CDYL: variants seen among roughly 807,000 people sequenced by gnomAD.
CDYL encodes the protein chromodomain Y-like protein.
In CDYL, 8 loss-of-function variants were observed where a neutral mutation model predicts 47.3. The observed-to-expected ratio is 0.17, with a 90% CI of 0.10 to 0.31. The LOEUF is 0.31. CDYL is among the 10% of genes least tolerant of loss of function. The pLI is 1.00. For missense variants in CDYL, 471 were observed against 701.4 expected (o/e 0.67, Z 3.71); for synonymous variants, 266 against 265.0 (o/e 1.00, Z -0.04).
rs564135374 is a variant in CDYL at position 4,715,094 on chromosome 6, C to A, written c.-38-647C>A. Among the ~76,000 whole-genome samples the A allele has an allele frequency of 3.2e-4, 49 of 152,342 alleles. 1 individual carries two copies. Among genetic ancestry groups the A allele is most frequent in the African/African-American group, 1.1e-3 (47 of 41,580 alleles). On this transcript the variant is annotated intron_variant, in intron 1 of 8. Coordinates refer to the CDYL transcript ENST00000328908. The stretch of plus-strand genomic sequence containing the variant: ...AAACCCTCTGCATAGGCACGCCCAA[C>A]CACTCGCCACTCTGAAAATGCATCG...
At chr6:4,847,522 G>A (rs931471083) in intron 1 of CDYL, among the ~76,000 whole-genome samples, 5 of 152,246 alleles carry the variant, frequency 3.3e-5, no homozygotes, top group Non-Finnish European at 7.3e-5. Flanking sequence ...CCTGAAACTT[G>A]TAGTTACTGT....
chr6:4,899,921 T>C (rs900810041), intron 2 of CDYL, among the ~76,000 whole-genome samples: 28 of 152,326 alleles, frequency 1.8e-4, no homozygotes, highest in African/African-American at 6.7e-4. Flanking sequence ...TTCCTTCTTA[T>C]TCTGAGAGTC....
chr6:4,866,313 A>G (rs808595), intron 1 of CDYL, among the ~76,000 whole-genome samples: 6,623 of 152,276 alleles, frequency 0.043, 472 homozygotes, highest in African/African-American at 0.15. Context: ...CAAAACAAGG[A>G]TACAGTTAAG....
intron 3 of CDYL, among the ~76,000 whole-genome samples, chr6:4,768,121 C>G (rs1308937042): frequency 1.1e-4 from 16 of 152,216 alleles, no homozygotes; most frequent in Non-Finnish European, 1.5e-4. Flanking sequence ...CATGCAACTT[C>G]CACATCTAGG....
intron 1 of CDYL, among the ~76,000 whole-genome samples, chr6:4,789,540 T>C (rs1175973340): frequency 6.6e-6 from 1 of 152,132 alleles, no homozygotes; most frequent in Non-Finnish European, 1.5e-5. Flanking sequence ...GGAACTCCAG[T>C]GATTCAAACT....
chr6:4,796,322 G>A (rs1759072413), intron 1 of CDYL, among the ~76,000 whole-genome samples: 1 of 152,130 alleles, frequency 6.6e-6, no homozygotes, highest in Non-Finnish European at 1.5e-5. Flanking sequence ...TTAGTTTGAT[G>A]TGAGAACATT....
intron 1 of CDYL, among the ~76,000 whole-genome samples, chr6:4,817,125 T>C (rs550483143): frequency 9.8e-5 from 15 of 152,332 alleles, no homozygotes; most frequent in Non-Finnish European, 2.1e-4. Context: ...ACAGGCATTG[T>C]ATTTTTTTGG....
chr6:4,749,337 A>ATGGC (rs1190701129), intron 3 of CDYL, among the ~76,000 whole-genome samples: 53 of 128,352 alleles, frequency 4.1e-4, no homozygotes, highest in East Asian at 1.9e-3. Flanking sequence ...GGATGGATGG[A>ATGGC]TGGCTGGATA....
intron 2 of CDYL, among the ~76,000 whole-genome samples, chr6:4,928,109 T>G (rs1475423796): frequency 4.6e-5 from 7 of 152,216 alleles, no homozygotes; most frequent in African/African-American, 1.7e-4. Flanking sequence ...CATTATTCTT[T>G]TCAAAAAAAT....
At chr6:4,900,815 A>G (rs879626940) in intron 2 of CDYL, among the ~76,000 whole-genome samples, 2,162 of 89,290 alleles carry the variant, frequency 0.024, 405 homozygotes, top group African/African-American at 0.082. Context: ...ATATATATAT[A>G]TATATATATA....
chr6:4,845,074 T>C (rs997202449), intron 1 of CDYL, among the ~76,000 whole-genome samples: 6 of 152,254 alleles, frequency 3.9e-5, no homozygotes, highest in African/African-American at 1.4e-4. Flanking sequence ...ATTTCAAAAT[T>C]ATTGTACATT....
chr6:4,797,709 C>T (rs75584810), intron 1 of CDYL, among the ~76,000 whole-genome samples: 1 of 152,172 alleles, frequency 6.6e-6, no homozygotes, highest in African/African-American at 2.4e-5. Flanking sequence ...TGTCTGACTT[C>T]TTTCACTTAG....
At chr6:4,734,124 G>A (rs1250106389) in intron 2 of CDYL, among the ~76,000 whole-genome samples, 1 of 151,932 alleles carries the variant, frequency 6.6e-6, no homozygotes, top group Non-Finnish European at 1.5e-5. Context: ...ACAGGCATGA[G>A]CCACCACGCC....
At chr6:4,836,574 C>T (rs763658145) in intron 1 of CDYL, among the ~76,000 whole-genome samples, 15 of 152,144 alleles carry the variant, frequency 9.9e-5, no homozygotes, top group Non-Finnish European at 1.6e-4. Context: ...CTTCTAAAGT[C>T]CTTTAAAAGA....
rs149617101 is a variant in CDYL at position 4,788,984 on chromosome 6, G to T, written c.24+12177G>T. Among the ~76,000 whole-genome samples, 8 of 152,208 alleles carry T rather than the reference G, an allele frequency of 5.3e-5. No individual in the cohort carries two copies. In the East Asian group the frequency reaches 1.5e-3, roughly 29 times the overall value. The stretch of plus-strand genomic sequence containing the variant: ...GCCCTCCCTGTCTTGTAGCTACATG[G>T]CGGGCCAGGTGCTGCTCCTCCTGGC... On this transcript the variant is annotated intron_variant, in intron 1 of 6. Transcript: ENST00000397588.
chr6:4,791,603 A>C (rs1477180671), intron 1 of CDYL, among the ~76,000 whole-genome samples: 1 of 152,204 alleles, frequency 6.6e-6, no homozygotes, highest in East Asian at 1.9e-4. Flanking sequence ...CTTGGCAGAC[A>C]GGCCCTCTGA....
chr6:4,838,249 C>A (rs1177432224), intron 1 of CDYL, among the ~76,000 whole-genome samples: 4 of 151,948 alleles, frequency 2.6e-5, no homozygotes, highest in Admixed American at 6.6e-5. Flanking sequence ...TTTTGGTGCA[C>A]CCATCACCCG....
chr6:4,858,860 A>C (rs1331309346), intron 1 of CDYL, among the ~76,000 whole-genome samples: 1 of 152,320 alleles, frequency 6.6e-6, no homozygotes, highest in Non-Finnish European at 1.5e-5. Flanking sequence ...GATATCTTTC[A>C]TAGGGTTTTG....
At chr6:4,935,456 C>T (rs974474109) in intron 2 of CDYL, 59 bp from the exon 3 acceptor site, 3 of 1,418,898 alleles carry the variant, frequency 2.1e-6, no homozygotes, top group African/African-American at 1.4e-5. Context: ...AAAGATGACA[C>T]CTGGGAGTGA....
Sources: allele counts gnomAD v4.1 joint callset (sites outside exome capture counted in the v4.1 genomes callset), GRCh38; gene constraint gnomAD v4.1.1; transcripts MANE v1.5; gene names NCBI Gene and HGNC (gene_info 2026-07-23, HGNC 2026-07-21).